HMMR: variants seen among roughly 807,000 people sequenced by gnomAD.
HMMR encodes intracellular hyaluronic acid-binding protein.
HMMR carries 108 observed loss-of-function variants against 101.0 expected under a neutral mutation model. The ratio of observed to expected loss-of-function variants is 1.07; its 90% confidence interval spans 0.92 to 1.25. The LOEUF is 1.25. Ranked by LOEUF, HMMR falls within the 50% of genes most tolerant of loss-of-function variation. The pLI, the probability that HMMR is intolerant of heterozygous loss-of-function variation, is 0.00. For missense variants in HMMR, 813 were observed against 788.7 expected (o/e 1.03, Z -0.37); for synonymous variants, 296 against 276.4 (o/e 1.07, Z -0.70).
intron 3 of HMMR, among the ~76,000 whole-genome samples, chr5:163,466,146 A>C (rs895137881): frequency 6.7e-6 from 1 of 149,736 alleles, no homozygotes; most frequent in South Asian, 2.1e-4. Context: ...CGTACCTGTA[A>C]TCCCAGCTAC....
At chr5:163,477,412 G>A (rs1227690881) in intron 11 of HMMR, among the ~76,000 whole-genome samples, 4 of 152,126 alleles carry the variant, frequency 2.6e-5, no homozygotes, top group Admixed American at 2.6e-4. Flanking sequence ...ATCTGTCTCA[G>A]TGGATACTTT....
intron 5 of HMMR, among the ~76,000 whole-genome samples, chr5:163,470,962 C>G (rs1040703801): frequency 6.6e-6 from 1 of 152,090 alleles, no homozygotes; most frequent in African/African-American, 2.4e-5. Context: ...CCACTCCACT[C>G]TAGCCTGGAC....
intron 16 of HMMR, among the ~76,000 whole-genome samples, chr5:163,489,746 G>T (rs1759615614): frequency 6.6e-6 from 1 of 152,152 alleles, no homozygotes; most frequent in African/African-American, 2.4e-5. Context: ...AATTGCATTT[G>T]TCCAGGATAT....
chr5:163,481,350 A>G (rs1759250985), intron 12 of HMMR, among the ~76,000 whole-genome samples: 1 of 151,818 alleles, frequency 6.6e-6, no homozygotes, highest in Non-Finnish European at 1.5e-5. Flanking sequence ...CTGTAAAGGA[A>G]TTTCCCTTCT....
chr5:163,482,558 G>T, intron 12 of HMMR, 84 bp from the exon 13 acceptor site: 1 of 974,264 alleles, frequency 1.0e-6, no homozygotes, highest in South Asian at 1.5e-5. Flanking sequence ...TTACTTAGAA[G>T]TATATAAAGT....
In HMMR at chr5:163,474,163, A is replaced by T; in HGVS notation, c.1011A>T (p.Gln337His). The T allele has an allele frequency of 6.2e-7, 1 of 1,609,946 alleles. No homozygotes were observed. ...AACAACAGGAACGTGAAAAGCTTCA[A>T]CAAAAAGAATTACAAATTGATTCAC... is the stretch of plus-strand genomic sequence containing the variant. ...ILEQQEREKL[Q>H]QKELQIDSLL... The change falls in exon 10 of 18, where the codon CAA becomes CAT. Residue 337 changes from glutamine to histidine, a missense_variant. Gln to His is a conservative substitution (Grantham distance 24). Transcript: ENST00000393915.
chr5:163,478,426 C>T (rs1157427764), intron 11 of HMMR, among the ~76,000 whole-genome samples: 1 of 152,082 alleles, frequency 6.6e-6, no homozygotes, highest in Non-Finnish European at 1.5e-5. Context: ...GTTTTATAGT[C>T]TTTTATATCC....
intron 3 of HMMR, among the ~76,000 whole-genome samples, chr5:163,465,797 T>TA (rs1402084205): frequency 1.3e-5 from 2 of 150,166 alleles, no homozygotes; most frequent in Non-Finnish European, 3.0e-5. Flanking sequence ...CCATCTCTAC[T>TA]AAAAAATACA....
At chr5:163,476,852 A>AC (rs1759084330) in intron 11 of HMMR, among the ~76,000 whole-genome samples, 1 of 152,072 alleles carries the variant, frequency 6.6e-6, no homozygotes, top group Non-Finnish European at 1.5e-5. Flanking sequence ...ACATGGTGAA[A>AC]CCCCATCTCT....
chr5:163,482,193 AG>A (rs1759291262), intron 12 of HMMR, among the ~76,000 whole-genome samples: 1 of 152,168 alleles, frequency 6.6e-6, no homozygotes, highest in Non-Finnish European at 1.5e-5. Context: ...CTGGGATTAC[AG>A]GCATGAGCCA....
chr5:163,480,444 A>C (rs1446659806), intron 12 of HMMR, among the ~76,000 whole-genome samples: 1 of 152,178 alleles, frequency 6.6e-6, no homozygotes, highest in East Asian at 1.9e-4. Context: ...TATTGTATGA[A>C]TATACCACAA....
In HMMR at chr5:163,461,423, C is replaced by A. The variant is rs77122998; in HGVS notation, c.46+685C>A. On this transcript the variant is annotated intron_variant, in intron 1 of 17. Transcript: ENST00000393915. ...ACTGGAATATGAACCCAGCCCCCAT[C>A]GTGTGCTCTTAACACCGCAATGCAC... is the stretch of plus-strand genomic sequence containing the variant. Among the ~76,000 whole-genome samples the A allele has an allele frequency of 4.6e-3, 697 of 152,268 alleles. 8 individuals carry two copies. The highest frequency in any genetic ancestry group is 0.015 in the African/African-American group (621 of 41,542).
At chr5:163,468,209 A>G (rs1440156467) in intron 4 of HMMR, among the ~76,000 whole-genome samples, 1 of 152,206 alleles carries the variant, frequency 6.6e-6, no homozygotes, top group Non-Finnish European at 1.5e-5. Flanking sequence ...TCATGGGTGA[A>G]ATAACATAGA....
intron 12 of HMMR, 59 bp downstream of exon 12, chr5:163,478,859 C>A: frequency 3.3e-6 from 3 of 912,726 alleles, no homozygotes; most frequent in Non-Finnish European, 5.5e-6. Context: ...GGGTGTTTAC[C>A]CCAGGAAATA....
In HMMR at chr5:163,471,445, C is replaced by T; in HGVS notation, c.632C>T (p.Ala211Val). ...CTCGAAGAGTCTCAAGGGAAAATAG[C>T]CCAACTGGAGGGAAAACTGTAAGTG... ...RSLEESQGKIAQLEGKLVSIE... is the reference protein window; with the variant it reads ...RSLEESQGKIVQLEGKLVSIE... The change falls in exon 7 of 18, where the codon GCC (alanine) becomes GTC (valine). Residue 211 changes from alanine to valine, a missense_variant. Ala to Val is a moderately conservative substitution (Grantham distance 64). Coordinates refer to ENST00000393915, the MANE Select transcript of HMMR (RefSeq NM_001142556.2). 1.9e-6 allele frequency: 3 copies of T among 1,611,612 alleles called. No individual in the cohort carries two copies. Among genetic ancestry groups the T allele is most frequent in the Non-Finnish European group, 2.5e-6 (3 of 1,177,840 alleles).
chr5:163,489,841 G>A (rs1287271997), intron 16 of HMMR, among the ~76,000 whole-genome samples: 1 of 152,176 alleles, frequency 6.6e-6, no homozygotes, highest in African/African-American at 2.4e-5. Flanking sequence ...ACTCGGAGTT[G>A]GGGGAAAAGA....
At chr5:163,484,266 T>G in intron 16 of HMMR, 21 bp downstream of exon 16, 1 of 1,415,368 alleles carries the variant, frequency 7.1e-7, no homozygotes, top group Non-Finnish European at 9.8e-7. Flanking sequence ...TGACTTTTCA[T>G]TTTATTAAAG....
At chr5:163,474,035 C>G in intron 9 of HMMR, 22 bp from the exon 10 acceptor site, 1 of 1,594,604 alleles carries the variant, frequency 6.3e-7, no homozygotes, top group Non-Finnish European at 8.6e-7. Flanking sequence ...TTCCAGTATT[C>G]TTGATGTTTT....
chr5:163,491,488 C>A lies in HMMR; in HGVS notation c.*324C>A. On this transcript the variant is annotated 3_prime_UTR_variant, in exon 18 of 18. Coordinates refer to ENST00000393915, the MANE Select transcript of HMMR (RefSeq NM_001142556.2). ...AAACCTTAGTTTCAAGAGTCTAAAC[C>A]CCAGATTCTTCAGCTTGATCCTGGA... is the stretch of plus-strand genomic sequence containing the variant. 1 of 185,440 alleles carries A rather than the reference C, an allele frequency of 5.4e-6. No homozygotes were observed. The highest frequency in any genetic ancestry group is 1.7e-4 in the South Asian group (1 of 5,988). The allele number at this position is 185,440 out of a possible 1,614,324, so 11.5% of individuals were successfully genotyped here.
Sources: allele counts gnomAD v4.1 joint callset (sites outside exome capture counted in the v4.1 genomes callset), GRCh38; gene constraint gnomAD v4.1.1; transcripts MANE v1.5; gene names NCBI Gene and HGNC (gene_info 2026-07-23, HGNC 2026-07-21).